Variants in RPS6KA2 observed in about 807,000 individuals in gnomAD.
The protein encoded by RPS6KA2 is ribosomal protein S6 kinase alpha-2.
RPS6KA2 carries 42 observed loss-of-function variants against 91.8 expected under a neutral mutation model. The observed-to-expected ratio is 0.46, with a 90% CI of 0.36 to 0.59. RPS6KA2 has a LOEUF of 0.59. Ranked by LOEUF, RPS6KA2 falls within the 20% of genes least tolerant of loss-of-function variation. The pLI, the probability that RPS6KA2 is intolerant of heterozygous loss-of-function variation, is 0.00. For missense variants in RPS6KA2, 798 were observed against 978.5 expected (o/e 0.82, Z 2.46); for synonymous variants, 414 against 393.6 (o/e 1.05, Z -0.61).
chr6:166,706,807 T>C (rs4709127), intron 2 of RPS6KA2, among the ~76,000 whole-genome samples: 110,020 of 152,150 alleles, frequency 0.72, 39,886 homozygotes, highest in South Asian at 0.85. Context: ...TATCTAAGAA[T>C]ATAGAGAGGG....
chr6:166,510,083 C>G (rs1782408710), intron 4 of RPS6KA2, among the ~76,000 whole-genome samples, 194 bp downstream of exon 4: 1 of 152,128 alleles, frequency 6.6e-6, no homozygotes, highest in African/African-American at 2.4e-5. Context: ...GGGCTTCTTG[C>G]TCTTTCAAAG....
rs1340564477 is a variant in RPS6KA2, at chr6:166,627,220, C to CCTCCGCCTCCTT, written c.-213_-202dup. On this transcript the variant is annotated 5_prime_UTR_variant, in exon 1 of 21. Coordinates refer to ENST00000265678, the MANE Select transcript of RPS6KA2 (RefSeq NM_021135.6). ...ACCGCGGCCGGGGCCACAATCGCTC[C>CCTCCGCCTCCTT]CTCCGCCTCCTTCTCCGCCTCCCCT... is the stretch of plus-strand genomic sequence containing the variant. 10 of 1,028,532 alleles carry CCTCCGCCTCCTT rather than the reference C, an allele frequency of 9.7e-6. No individual in the cohort carries two copies. In the East Asian group the frequency reaches 2.7e-4, roughly 28 times the overall value. The allele number at this position is 1,028,532 out of a possible 1,614,324, so 63.7% of individuals were successfully genotyped here.
intron 2 of RPS6KA2, among the ~76,000 whole-genome samples, chr6:166,710,119 A>G (rs1789799688): frequency 1.3e-5 from 2 of 152,236 alleles, no homozygotes; most frequent in Admixed American, 1.3e-4. Flanking sequence ...CTATCCTTAC[A>G]AATCTCATAG....
At chr6:166,697,294 T>A (rs900994064) in intron 2 of RPS6KA2, among the ~76,000 whole-genome samples, 12 of 152,046 alleles carry the variant, frequency 7.9e-5, no homozygotes, top group African/African-American at 2.9e-4. Context: ...GAAATAGAAA[T>A]GAAAGCGGAA....
At position 166,737,543 on chromosome 6, in the gene RPS6KA2, G is replaced by A. The variant is rs915677607; in HGVS notation, c.123+120657C>T. On this transcript the variant is annotated intron_variant, in intron 2 of 21. Transcript: ENST00000503859. The surrounding 1 kb of genome is among the most constrained non-coding windows in gnomAD (Gnocchi z 4.3). ...AGAGGCATTAAAGAGAATTCTAAAC[G>A]TCTCCTTTGCAAATTGTTCAATTAA... 3.2e-4 allele frequency among the ~76,000 whole-genome samples: 49 copies of A among 152,270 alleles called. No individual in the cohort carries two copies. The highest frequency in any genetic ancestry group is 1.1e-3 in the African/African-American group (46 of 41,550).
chr6:166,623,137 A>T (rs1786705666), intron 1 of RPS6KA2, among the ~76,000 whole-genome samples: 1 of 152,270 alleles, frequency 6.6e-6, no homozygotes, highest in Admixed American at 6.5e-5. Flanking sequence ...AAATAGCTCA[A>T]ATAATAGGTC....
chr6:166,428,447 GA>G (rs1779004305), intron 16 of RPS6KA2, among the ~76,000 whole-genome samples: 2 of 139,030 alleles, frequency 1.4e-5, no homozygotes, highest in Admixed American at 7.2e-5. Flanking sequence ...AGCCAAAATT[GA>G]CAAATGGGAT....
intron 1 of RPS6KA2, among the ~76,000 whole-genome samples, chr6:166,543,547 C>T (rs1416466587): frequency 6.6e-6 from 1 of 152,184 alleles, no homozygotes; most frequent in African/African-American, 2.4e-5. Flanking sequence ...ACTTGAAACA[C>T]TCTCTTCACC....
At chr6:166,793,586 TTACC>T (rs1218090711) in intron 2 of RPS6KA2, among the ~76,000 whole-genome samples, 2 of 147,234 alleles carry the variant, frequency 1.4e-5, no homozygotes, top group Non-Finnish European at 3.0e-5. Flanking sequence ...AGGCATCACG[TTACC>T]TGACTTCAAA....
intron 2 of RPS6KA2, among the ~76,000 whole-genome samples, chr6:166,780,968 G>A (rs766416035): frequency 1.8e-4 from 28 of 152,132 alleles, no homozygotes; most frequent in Non-Finnish European, 3.5e-4. Flanking sequence ...TCCGATATTC[G>A]GACACTTCGC....
intron 2 of RPS6KA2, chr6:166,858,187 C>G (rs373393079): frequency 6.9e-7 from 1 of 1,456,994 alleles, no homozygotes; most frequent in Non-Finnish European, 9.7e-7. Context: ...TGTAATAAAA[C>G]GTGTATAGTT....
chr6:166,759,526 C>T (rs528527831), intron 2 of RPS6KA2, among the ~76,000 whole-genome samples: 34 of 152,284 alleles, frequency 2.2e-4, no homozygotes, highest in African/African-American at 7.5e-4. Context: ...TCTAGTCTCA[C>T]GAAATTTCGT....
At chr6:166,588,345 C>T (rs962749183) in intron 1 of RPS6KA2, among the ~76,000 whole-genome samples, 4 of 150,484 alleles carry the variant, frequency 2.7e-5, no homozygotes, top group African/African-American at 4.9e-5. Flanking sequence ...GTGGGGCCAG[C>T]GAGTTGCTGC....
At chr6:166,449,850 A>AGGACCACCACGGGAACCACCACGG (rs1562500823) in intron 13 of RPS6KA2, among the ~76,000 whole-genome samples, 6 of 87,004 alleles carry the variant, frequency 6.9e-5, no homozygotes, top group Non-Finnish European at 1.3e-4. Context: ...GACAACCACG[A>AGGACCACCACGGGAACCACCACGG]GGACCACCAT....
chr6:166,634,379 C>G (rs374664630), intron 2 of RPS6KA2, among the ~76,000 whole-genome samples: 1 of 152,152 alleles, frequency 6.6e-6, no homozygotes, highest in African/African-American at 2.4e-5. Context: ...TAAGTCCTTG[C>G]GTCCACAGGC....
At chr6:166,697,173 C>T (rs1789384081) in intron 2 of RPS6KA2, among the ~76,000 whole-genome samples, 1 of 151,844 alleles carries the variant, frequency 6.6e-6, no homozygotes, top group Non-Finnish European at 1.5e-5. Flanking sequence ...AACCCTAATA[C>T]ACCAGCTACA....
At chr6:166,645,383 T>G (rs1276974891) in intron 2 of RPS6KA2, among the ~76,000 whole-genome samples, 1 of 152,178 alleles carries the variant, frequency 6.6e-6, no homozygotes, top group Non-Finnish European at 1.5e-5. Context: ...ACACTGAGAA[T>G]GGGATCAGAA....
At chr6:166,499,361 GTCCTTGCC>G (rs1292748273) in intron 7 of RPS6KA2, among the ~76,000 whole-genome samples, 17 of 152,352 alleles carry the variant, frequency 1.1e-4, no homozygotes, top group African/African-American at 3.8e-4. Flanking sequence ...GAGAGGCCAT[GTCCTTGCC>G]CCTGAGCCTG....
At chr6:166,647,939 C>T (rs1787686916) in intron 2 of RPS6KA2, among the ~76,000 whole-genome samples, 1 of 148,246 alleles carries the variant, frequency 6.7e-6, no homozygotes, top group African/African-American at 2.5e-5. Flanking sequence ...CGCACATGCT[C>T]ATACACACAC....
Sources: gnomAD v4.1 joint callset for allele counts (sites outside exome capture counted in the v4.1 genomes callset) on GRCh38, gnomAD v4.1.1 for gene constraint, Gnocchi (gnomAD v3.1) non-coding constraint, MANE v1.5 for transcripts, NCBI Gene and HGNC (gene_info 2026-07-23, HGNC 2026-07-21) for gene names.